MAGI2: variants seen among roughly 807,000 people sequenced by gnomAD.
The protein encoded by MAGI2 is membrane associated guanylate kinase, WW and PDZ domain containing 2.
Under a neutral mutation model 133.3 loss-of-function variants are expected in MAGI2, and 35 were observed. The ratio of observed to expected loss-of-function variants is 0.26; its 90% CI spans 0.20 to 0.35. The LOEUF is 0.35. MAGI2 is among the 10% of genes least tolerant of loss of function. MAGI2 has a pLI of 1.00. For synonymous variants in MAGI2, 729 were observed against 710.6 expected, an observed-to-expected ratio of 1.03 and a Z score of -0.41; for missense variants, 1,636 against 1,863.4, an observed-to-expected ratio of 0.88 and a Z score of 2.25.
At chr7:79,360,676 A>C (rs965615266) in intron 1 of MAGI2, among the ~76,000 whole-genome samples, 2 of 152,104 alleles carry the variant, frequency 1.3e-5, no homozygotes, top group Non-Finnish European at 1.5e-5. Flanking sequence ...ATATTGTAAC[A>C]CCCAGAGCAG....
At chr7:79,034,223 C>G (rs1277810304) in intron 1 of MAGI2, among the ~76,000 whole-genome samples, 3 of 151,952 alleles carry the variant, frequency 2.0e-5, no homozygotes, top group Non-Finnish European at 2.9e-5. Context: ...GTTTTTTTTA[C>G]CATTTCCTTT....
intron 3 of MAGI2, among the ~76,000 whole-genome samples, chr7:78,557,482 T>C (rs1265045718): frequency 6.6e-6 from 1 of 152,158 alleles, no homozygotes; most frequent in Non-Finnish European, 1.5e-5. Context: ...CCCATCTTAC[T>C]TAGAAGTATT....
At chr7:79,452,967 G>A in intron 1 of MAGI2, 53 bp downstream of exon 1, 1 of 1,494,604 alleles carries the variant, frequency 6.7e-7, no homozygotes, top group Non-Finnish European at 8.9e-7. Context: ...ATTGCCCTGC[G>A]CCCCGAGCGG....
chr7:78,956,894 G>A (rs1254037722), intron 2 of MAGI2, among the ~76,000 whole-genome samples: 1 of 152,152 alleles, frequency 6.6e-6, no homozygotes, highest in Non-Finnish European at 1.5e-5. Context: ...ATGAATAGAT[G>A]AGATGTGTTT....
At chr7:78,721,559 ATCT>A (rs1046238577) in intron 2 of MAGI2, among the ~76,000 whole-genome samples, 1 of 152,016 alleles carries the variant, frequency 6.6e-6, no homozygotes, top group African/African-American at 2.4e-5. Flanking sequence ...ACATATTGAA[ATCT>A]TCTAATTTGT....
At chr7:78,555,196 G>A (rs62468623) in intron 3 of MAGI2, among the ~76,000 whole-genome samples, 1 of 108,942 alleles carries the variant, frequency 9.2e-6, no homozygotes, top group African/African-American at 3.9e-5. Flanking sequence ...ACGGTTGGAT[G>A]GATGGATAGA....
intron 2 of MAGI2, among the ~76,000 whole-genome samples, chr7:78,724,249 T>A (rs1690954097): frequency 6.6e-6 from 1 of 152,178 alleles, no homozygotes; most frequent in Non-Finnish European, 1.5e-5. Flanking sequence ...TCTCTTTCCC[T>A]CTCTAGGCCA....
intron 2 of MAGI2, among the ~76,000 whole-genome samples, chr7:78,669,298 T>C (rs1400856752): frequency 4.6e-5 from 7 of 151,946 alleles, no homozygotes; most frequent in Admixed American, 2.0e-4. Flanking sequence ...AACACCTCTA[T>C]GCAAATAAAC....
At chr7:78,501,536 T>C in intron 5 of MAGI2, 41 bp downstream of exon 5, 2 of 1,509,276 alleles carry the variant, frequency 1.3e-6, no homozygotes, top group South Asian at 2.2e-5. Context: ...TATCCCGCTA[T>C]GACCTTTTTG....
At chr7:79,019,954 G>A (rs961822523) in intron 1 of MAGI2, among the ~76,000 whole-genome samples, 2 of 152,190 alleles carry the variant, frequency 1.3e-5, no homozygotes, top group Non-Finnish European at 2.9e-5. Context: ...AAGCAAATTT[G>A]GAAATGGGTA....
rs188079473 is a variant in MAGI2, at chr7:79,152,713, A to C, written c.302-145507T>G. The stretch of plus-strand genomic sequence containing the variant: ...AACTGTCAGGTTTACAAAGTTCTCC[A>C]GGTGTTTAGGTGGAGCAGACAGGTT... On this transcript the variant is annotated intron_variant, in intron 1 of 21. Coordinates refer to ENST00000354212, the MANE Select transcript of MAGI2 (RefSeq NM_012301.4). Among the ~76,000 whole-genome samples the C allele has an allele frequency of 2.4e-3, 358 of 152,288 alleles. 1 individual carries two copies. The highest frequency in any genetic ancestry group is 8.4e-3 in the African/African-American group (348 of 41,578).
chr7:78,026,733 G>A (rs900737662), intron 21 of MAGI2, among the ~76,000 whole-genome samples: 1 of 152,140 alleles, frequency 6.6e-6, no homozygotes, highest in African/African-American at 2.4e-5. Flanking sequence ...GTGGCCTCAG[G>A]GCATCCAGCT....
At chr7:78,547,913 G>A (rs1799000937) in intron 3 of MAGI2, among the ~76,000 whole-genome samples, 1 of 152,152 alleles carries the variant, frequency 6.6e-6, no homozygotes, top group African/African-American at 2.4e-5. Flanking sequence ...ACATTTCAAT[G>A]GACTGACCTT....
intron 1 of MAGI2, among the ~76,000 whole-genome samples, chr7:79,264,086 T>A (rs1834271629): frequency 6.6e-6 from 1 of 152,116 alleles, no homozygotes; most frequent in African/African-American, 2.4e-5. Flanking sequence ...ATCGAGAACA[T>A]CCTTTGTATT....
chr7:78,543,427 G>C (rs1258336067), intron 3 of MAGI2, among the ~76,000 whole-genome samples: 1 of 152,196 alleles, frequency 6.6e-6, no homozygotes, highest in African/African-American at 2.4e-5. Context: ...AACCAATGTT[G>C]TAAGTTGGAA....
At chr7:78,198,142 G>C (rs147747764) in intron 11 of MAGI2, among the ~76,000 whole-genome samples, 2 of 152,286 alleles carry the variant, frequency 1.3e-5, no homozygotes, top group South Asian at 2.1e-4. Context: ...TTTGTTACCT[G>C]CCAGGTGTTT....
At chr7:78,794,198 AC>A (rs1350397813) in intron 2 of MAGI2, among the ~76,000 whole-genome samples, 3 of 152,204 alleles carry the variant, frequency 2.0e-5, no homozygotes, top group Non-Finnish European at 2.9e-5. Context: ...GTGAGAACTC[AC>A]ACACTTTGCT....
At chr7:78,072,001 G>A (rs1052439125) in intron 21 of MAGI2, among the ~76,000 whole-genome samples, 11 of 152,148 alleles carry the variant, frequency 7.2e-5, no homozygotes, top group African/African-American at 2.7e-4. Context: ...TTTTATTGAG[G>A]AGGCACGTCA....
intron 5 of MAGI2, among the ~76,000 whole-genome samples, chr7:78,496,641 ACT>A (rs1261700603): frequency 6.6e-6 from 1 of 152,110 alleles, no homozygotes; most frequent in African/African-American, 2.4e-5. Context: ...AATGGGAATG[ACT>A]CTGTAGAGTG....
Sources: gnomAD v4.1 joint callset for allele counts (sites outside exome capture counted in the v4.1 genomes callset) on GRCh38, gnomAD v4.1.1 for gene constraint, MANE v1.5 for transcripts, NCBI Gene and HGNC (gene_info 2026-07-23, HGNC 2026-07-21) for gene names.